PIBF1: variants seen among roughly 807,000 people sequenced by gnomAD.
PIBF1 encodes the protein progesterone immunomodulatory binding factor 1.
In PIBF1, 90 loss-of-function variants were observed where a neutral mutation model predicts 112.5. That is an observed-to-expected ratio of 0.80 (90% CI 0.67 to 0.95). The LOEUF is 0.95. Among genes scored for constraint, PIBF1 ranks in the 40% least tolerant of loss-of-function variants. The pLI, the probability that PIBF1 is intolerant of heterozygous loss-of-function variation, is 0.00. For missense variants in PIBF1, 915 were observed against 852.3 expected (o/e 1.07, Z -0.92); for synonymous variants, 301 against 288.6 (o/e 1.04, Z -0.44).
chr13:72,984,668 T>C (rs916680495), intron 16 of PIBF1, among the ~76,000 whole-genome samples: 1 of 152,186 alleles, frequency 6.6e-6, no homozygotes. Context: ...TAGATTGTAC[T>C]CTCTGGACCA....
intron 14 of PIBF1, among the ~76,000 whole-genome samples, chr13:72,938,516 T>C (rs2041931641): frequency 6.6e-6 from 1 of 152,190 alleles, no homozygotes; most frequent in Non-Finnish European, 1.5e-5. Flanking sequence ...GGTTCGTATT[T>C]TGCCATCTAT....
intron 12 of PIBF1, among the ~76,000 whole-genome samples, chr13:72,914,965 C>T (rs2041030857): frequency 1.3e-5 from 2 of 152,088 alleles, no homozygotes; most frequent in African/African-American, 4.8e-5. Flanking sequence ...TTAGCAGATA[C>T]TGCATCTCAG....
rs544575849 is a variant in PIBF1 at position 72,999,985 on chromosome 13, G to C, written c.2223+990G>C. ...TTGGGAGACAGGCAGGAGAATTGTC[G>C]GTGCGATGGCACCACTGCATTCACC... On this transcript the variant is annotated intron_variant, in intron 17 of 17. Coordinates refer to ENST00000326291, the MANE Select transcript of PIBF1 (RefSeq NM_006346.4). 2.0e-5 allele frequency among the ~76,000 whole-genome samples: 3 copies of C among 151,968 alleles called. No individual in the cohort carries two copies. In the East Asian group the frequency reaches 5.8e-4, roughly 29 times the overall value.
intron 9 of PIBF1, among the ~76,000 whole-genome samples, chr13:72,848,850 C>A (rs944350743): frequency 1.3e-5 from 2 of 151,244 alleles, no homozygotes; most frequent in Non-Finnish European, 2.9e-5. Flanking sequence ...AAAAAAAGAA[C>A]TTAACTCTTT....
At chr13:72,867,814 C>T (rs935277103) in intron 10 of PIBF1, among the ~76,000 whole-genome samples, 2 of 152,144 alleles carry the variant, frequency 1.3e-5, no homozygotes, top group East Asian at 1.9e-4. Context: ...TTAGTTTATG[C>T]GTCTTCAAAT....
intron 4 of PIBF1, among the ~76,000 whole-genome samples, chr13:72,796,111 A>T (rs1420312406): frequency 6.6e-6 from 1 of 152,206 alleles, no homozygotes; most frequent in African/African-American, 2.4e-5. Flanking sequence ...TTACCATACT[A>T]GAATTTTAAA....
intron 14 of PIBF1, among the ~76,000 whole-genome samples, chr13:72,936,494 C>G (rs2041874513): frequency 6.6e-6 from 1 of 152,058 alleles, no homozygotes; most frequent in South Asian, 2.1e-4. Flanking sequence ...AGTTTTAGGT[C>G]TGTGATTCAT....
intron 2 of PIBF1, among the ~76,000 whole-genome samples, chr13:72,784,609 A>G (rs1442378867): frequency 6.6e-6 from 1 of 151,590 alleles, no homozygotes; most frequent in Non-Finnish European, 1.5e-5. Context: ...AAAAAATAAA[A>G]TAGCCCCGCG....
chr13:72,960,963 T>C (rs2042587502), intron 14 of PIBF1, among the ~76,000 whole-genome samples: 2 of 151,626 alleles, frequency 1.3e-5, no homozygotes, highest in Admixed American at 6.6e-5. Context: ...TCTTTATGGC[T>C]CCACTTTCAC....
At chr13:72,929,343 TAGAG>T (rs1310728243) in intron 13 of PIBF1, among the ~76,000 whole-genome samples, 3 of 151,928 alleles carry the variant, frequency 2.0e-5, no homozygotes, top group South Asian at 2.1e-4. Flanking sequence ...AGGGTCAAAT[TAGAG>T]AGAACTTAGT....
In PIBF1 at chr13:72,973,671, G is replaced by T. The variant is rs757822050; in HGVS notation, c.2045G>T (p.Arg682Leu). Residue 682 changes from arginine to leucine, a missense_variant, in exon 16 of 18, where the codon CGT becomes CTT. Transcript: ENST00000326291. ...GATTTAGAACAACTTCTAAATCATCGTGAGGTATTTTTCCTATTTTGTCAT... is the reference window on the plus strand; with the variant it reads ...GATTTAGAACAACTTCTAAATCATCTTGAGGTATTTTTCCTATTTTGTCAT... ...ALDLEQLLNH[R>L]EELAAMKQIL... The T allele has an allele frequency of 1.3e-6, 2 of 1,523,588 alleles. No individual in the cohort carries two copies. Among genetic ancestry groups the T allele is most frequent in the Non-Finnish European group, 1.8e-6 (2 of 1,109,652 alleles). 94.4% of individuals were successfully genotyped at this position (1,523,588 alleles called of 1,614,324 possible).
rs372223520 is a variant in PIBF1 at position 72,873,186 on chromosome 13, G to T, written c.1322+19031G>T. On this transcript the variant is annotated intron_variant, in intron 10 of 17. Transcript: ENST00000326291. Reference sequence around the variant, plus strand: ...TGCCTAGATAGTTCAGTGAGGAAATGATAATCTTTTCAACAAATCTTGCTA... The same window carrying T: ...TGCCTAGATAGTTCAGTGAGGAAATTATAATCTTTTCAACAAATCTTGCTA... 5.0e-4 allele frequency among the ~76,000 whole-genome samples: 76 copies of T among 152,188 alleles called. 1 individual carries two copies. In the South Asian group the frequency reaches 0.016, roughly 31 times the overall value.
At chr13:72,794,701 T>C (rs1173344251) in intron 3 of PIBF1, among the ~76,000 whole-genome samples, 1 of 152,222 alleles carries the variant, frequency 6.6e-6, no homozygotes, top group Non-Finnish European at 1.5e-5. Flanking sequence ...GCTTCTCTTT[T>C]GCCTTCCGCC....
intron 5 of PIBF1, among the ~76,000 whole-genome samples, chr13:72,814,562 T>C (rs1216433038): frequency 1.3e-5 from 2 of 151,460 alleles, no homozygotes; most frequent in African/African-American, 4.8e-5. Flanking sequence ...AAACCAGAGA[T>C]TAAAGATGAG....
At chr13:72,849,832 C>T (rs1311857306) in intron 9 of PIBF1, among the ~76,000 whole-genome samples, 1 of 152,126 alleles carries the variant, frequency 6.6e-6, no homozygotes, top group African/African-American at 2.4e-5. Flanking sequence ...TGACTTTAAG[C>T]TAATACTTAA....
chr13:72,981,509 T>C (rs1825068888), intron 16 of PIBF1, among the ~76,000 whole-genome samples: 1 of 152,116 alleles, frequency 6.6e-6, no homozygotes, highest in South Asian at 2.1e-4. Flanking sequence ...AAGAATTATG[T>C]GAAAATAGAA....
intron 8 of PIBF1, among the ~76,000 whole-genome samples, chr13:72,832,070 GCCTTTTTTTT>G (rs751275401): frequency 2.8e-4 from 16 of 56,206 alleles, no homozygotes; most frequent in Admixed American, 1.3e-3. Context: ...TGCAATTCCG[GCCTTTTTTTT>G]TTTTTTTTTT....
At chr13:72,976,286 G>C (rs536551684) in intron 16 of PIBF1, among the ~76,000 whole-genome samples, 2 of 150,644 alleles carry the variant, frequency 1.3e-5, no homozygotes, top group Non-Finnish European at 3.0e-5. Context: ...AAAAAAGAAA[G>C]AAAGAGAAAG....
intron 17 of PIBF1, among the ~76,000 whole-genome samples, chr13:73,004,405 C>T (rs2043965293): frequency 6.6e-6 from 1 of 151,444 alleles, no homozygotes; most frequent in Admixed American, 6.6e-5. Flanking sequence ...ACAAGTGAAT[C>T]ACTTGAACCC....
Sources: gnomAD v4.1 joint callset for allele counts (sites outside exome capture counted in the v4.1 genomes callset) on GRCh38, gnomAD v4.1.1 for gene constraint, MANE v1.5 for transcripts, NCBI Gene and HGNC (gene_info 2026-07-23, HGNC 2026-07-21) for gene names.